TMEM165: variants seen among roughly 807,000 people sequenced by gnomAD.
The protein encoded by TMEM165 is transmembrane protein 165.
Under a neutral mutation model 30.0 loss-of-function variants are expected in TMEM165, and 19 were observed. That is an observed-to-expected ratio of 0.63 (90% CI 0.44 to 0.93). The LOEUF is 0.93. Ranked by LOEUF, TMEM165 falls within the 40% of genes least tolerant of loss-of-function variation. The pLI, the probability that TMEM165 is intolerant of heterozygous loss-of-function variation, is 0.00. For missense variants in TMEM165, 340 were observed against 417.0 expected (o/e 0.82, Z 1.61); for synonymous variants, 168 against 162.9 (o/e 1.03, Z -0.24).
At chr4:55,413,040 C>T (rs1455064153) in intron 2 of TMEM165, among the ~76,000 whole-genome samples, 1 of 151,814 alleles carries the variant, frequency 6.6e-6, no homozygotes, top group Non-Finnish European at 1.5e-5. Flanking sequence ...AGTGCAGTGG[C>T]ATGATCATAG....
At chr4:55,421,297 CTT>C (rs766025971) in intron 4 of TMEM165, among the ~76,000 whole-genome samples, 3,151 of 105,624 alleles carry the variant, frequency 0.03, 46 homozygotes, top group African/African-American at 0.11. Flanking sequence ...TTCTTTCTTT[CTT>C]TTTTTTTTTT....
At chr4:55,424,897 A>G (rs1722128331) in intron 5 of TMEM165, 4 of 441,418 alleles carry the variant, frequency 9.1e-6, no homozygotes, top group Middle Eastern at 1.2e-3. Context: ...TTAGTAAAAC[A>G]ATTGTCATTT....
At chr4:55,411,588 A>C in intron 1 of TMEM165, 26 bp from the exon 2 acceptor site, 1 of 1,554,100 alleles carries the variant, frequency 6.4e-7, no homozygotes. Flanking sequence ...AATGATTTTA[A>C]GAAGTAACTG....
chr4:55,435,202 A>G (rs1801260), intron 3 of TMEM165: 155,664 of 587,320 alleles, frequency 0.27, 21,892 homozygotes, highest in South Asian at 0.36. Flanking sequence ...AGAACTGGCT[A>G]TGCCCCTATG....
At chr4:55,434,892 C>A in intron 3 of TMEM165, 1 of 172,248 alleles carries the variant, frequency 5.8e-6, no homozygotes, top group South Asian at 1.4e-4. Flanking sequence ...GAATTTGAAC[C>A]CACACAACAT....
chr4:55,404,544 G>A (rs1721194670), intron 1 of TMEM165, among the ~76,000 whole-genome samples: 1 of 151,898 alleles, frequency 6.6e-6, no homozygotes, highest in Admixed American at 6.6e-5. Context: ...TCCCACCTCA[G>A]CCTCCCAAGT....
chr4:55,446,670 A>C (rs1028226247), intron 3 of TMEM165, among the ~76,000 whole-genome samples: 1 of 152,240 alleles, frequency 6.6e-6, no homozygotes, highest in African/African-American at 2.4e-5. Flanking sequence ...AGTCATGAGC[A>C]GCTCCTATTT....
At chr4:55,408,486 G>A (rs753495530) in intron 1 of TMEM165, among the ~76,000 whole-genome samples, 10 of 152,058 alleles carry the variant, frequency 6.6e-5, no homozygotes, top group Non-Finnish European at 1.5e-4. Flanking sequence ...AATACTGTAG[G>A]CAGTTGTAAC....
chr4:55,433,814 C>T (rs1179914300), intron 3 of TMEM165: 3 of 152,098 alleles, frequency 2.0e-5, no homozygotes, highest in Admixed American at 6.6e-5. Flanking sequence ...TCTTAGTTCA[C>T]GTTTAGAAGG....
chr4:55,412,732 G>A (rs1721561007), intron 2 of TMEM165: 1 of 151,846 alleles, frequency 6.6e-6, no homozygotes, highest in Non-Finnish European at 1.5e-5. Flanking sequence ...CACTTTATGA[G>A]CCTAAAGAAA....
At chr4:55,444,507 A>G in intron 3 of TMEM165, 1 of 1,118,544 alleles carries the variant, frequency 8.9e-7, no homozygotes, top group Non-Finnish European at 1.3e-6. Flanking sequence ...TAACCAGTGA[A>G]TATTTATTGA....
chr4:55,451,114 T>C (rs764528573), intron 3 of TMEM165, among the ~76,000 whole-genome samples: 4 of 152,020 alleles, frequency 2.6e-5, no homozygotes, highest in Admixed American at 6.6e-5. Context: ...CTTCTCTTTG[T>C]AGCAAAACCC....
At chr4:55,420,444 T>C (rs927065280) in intron 4 of TMEM165, among the ~76,000 whole-genome samples, 3 of 151,674 alleles carry the variant, frequency 2.0e-5, no homozygotes, top group African/African-American at 7.3e-5. Context: ...TCTCTTGCTG[T>C]AAAATCACAT....
intron 1 of TMEM165, among the ~76,000 whole-genome samples, chr4:55,400,181 A>T (rs1390048348): frequency 3.0e-4 from 36 of 121,634 alleles, no homozygotes; most frequent in South Asian, 1.3e-3. Context: ...AATATATATA[A>T]AAAATAATAT....
chr4:55,409,502 C>T (rs1408732901), intron 1 of TMEM165, among the ~76,000 whole-genome samples: 1 of 152,092 alleles, frequency 6.6e-6, no homozygotes, highest in Admixed American at 6.6e-5. Context: ...GTTTATCTAG[C>T]CCAGGGCGTC....
At chr4:55,411,960 T>C in intron 2 of TMEM165, 121 bp downstream of exon 2, 1 of 877,416 alleles carries the variant, frequency 1.1e-6, no homozygotes, top group Non-Finnish European at 1.8e-6. Context: ...TTATTTGTGG[T>C]CTTCCAACCT....
intron 1 of TMEM165, among the ~76,000 whole-genome samples, chr4:55,411,125 A>T (rs1303260620): frequency 3.4e-5 from 5 of 145,522 alleles, no homozygotes; most frequent in Admixed American, 1.4e-4. Flanking sequence ...ACAGAGTGAG[A>T]TTTTGTCTCA....
chr4:55,424,866 G>C (rs1286176320), intron 5 of TMEM165: 2 of 502,020 alleles, frequency 4.0e-6, no homozygotes, highest in African/African-American at 2.0e-5. Context: ...ATTCATAGTA[G>C]CTTCTTGTTA....
At chr4:55,398,728 C>T (rs547006962) in intron 1 of TMEM165, among the ~76,000 whole-genome samples, 1 of 152,174 alleles carries the variant, frequency 6.6e-6, no homozygotes, top group Non-Finnish European at 1.5e-5. Context: ...CTGGCTTACT[C>T]ATCTGTCTAT....
Sources: allele counts gnomAD v4.1 joint callset (sites outside exome capture counted in the v4.1 genomes callset), GRCh38; gene constraint gnomAD v4.1.1; transcripts MANE v1.5; gene names NCBI Gene and HGNC (gene_info 2026-07-23, HGNC 2026-07-21).